The following HECW1 variants were observed in gnomAD, a reference collection of about 807,000 sequenced individuals.
The protein encoded by HECW1 is E3 ubiquitin-protein ligase HECW1.
A neutral mutation model predicts 182.3 loss-of-function variants in HECW1; 61 were observed. The ratio of observed to expected loss-of-function variants is 0.33; its 90% CI spans 0.27 to 0.41. The LOEUF is 0.41. Ranked by LOEUF, HECW1 falls within the 10% of genes least tolerant of loss-of-function variation. The pLI is 1.00. For missense variants in HECW1, 1,739 were observed against 2,108.9 expected, an observed-to-expected ratio of 0.82 and a Z score of 3.44; for synonymous variants, 859 against 832.6, an observed-to-expected ratio of 1.03 and a Z score of -0.55.
Position 43,445,376 on chromosome 7 carries a change from C to G in HECW1, c.2204C>G (p.Ser735Trp), listed in dbSNP as rs756356851. The G allele has an allele frequency of 3.7e-6, 6 of 1,613,714 alleles. No individual in the cohort carries two copies. Among genetic ancestry groups the G allele is most frequent in the Non-Finnish European group, 5.1e-6 (6 of 1,180,018 alleles). Residue 735 changes from serine to tryptophan, a missense_variant, in exon 11 of 30, where the codon TCG becomes TGG. Transcript: ENST00000395891. ...AKISESTVFS[S>W]QDDEEEENSA... The stretch of plus-strand genomic sequence containing the variant: ...ATCTCCGAGAGCACGGTCTTCTCCT[C>G]GCAAGACGACGAGGAGGAGGAGAAC...
At chr7:43,556,122 G>C (rs920550248) in intron 29 of HECW1, among the ~76,000 whole-genome samples, 17 of 152,176 alleles carry the variant, frequency 1.1e-4, no homozygotes, top group Admixed American at 5.9e-4. Flanking sequence ...CAGGGGGTAA[G>C]AGCAGCGTGC....
chr7:43,538,520 A>T (rs1306183383), intron 24 of HECW1, among the ~76,000 whole-genome samples: 1 of 152,196 alleles, frequency 6.6e-6, no homozygotes, highest in Non-Finnish European at 1.5e-5. Flanking sequence ...CTTGCACAAG[A>T]TCACACACCA....
intron 6 of HECW1, among the ~76,000 whole-genome samples, chr7:43,372,009 A>G (rs2074127302): frequency 6.6e-6 from 1 of 151,984 alleles, no homozygotes; most frequent in African/African-American, 2.4e-5. Context: ...TTTAGTAGAG[A>G]TGGGATTTCA....
At chr7:43,175,741 G>A (rs1019447451) in intron 2 of HECW1, among the ~76,000 whole-genome samples, 3 of 152,192 alleles carry the variant, frequency 2.0e-5, no homozygotes, top group Non-Finnish European at 4.4e-5. Flanking sequence ...AGTCATGAAC[G>A]CACGGAGCTA....
intron 2 of HECW1, among the ~76,000 whole-genome samples, chr7:43,216,479 G>A (rs1796451237): frequency 6.6e-6 from 1 of 152,072 alleles, no homozygotes; most frequent in South Asian, 2.1e-4. Flanking sequence ...GGTTTCTGCT[G>A]TGGCAGAAGG....
chr7:43,253,641 A>G (rs531520925), intron 3 of HECW1, among the ~76,000 whole-genome samples: 2 of 152,298 alleles, frequency 1.3e-5, no homozygotes, highest in African/African-American at 2.4e-5. Context: ...CATTCCCTCC[A>G]ATGTTAAGAG....
chr7:43,149,842 AATG>A (rs1214068177), intron 2 of HECW1, among the ~76,000 whole-genome samples: 15 of 152,286 alleles, frequency 9.8e-5, no homozygotes, highest in African/African-American at 2.9e-4. Context: ...ATTTGCAAAT[AATG>A]ATGATTTTAC....
Position 43,243,218 on chromosome 7 carries a change from G to A in HECW1, c.-31-657G>A, listed in dbSNP as rs186093262. On this transcript the variant is annotated intron_variant, in intron 2 of 29. Transcript: ENST00000395891. This position sits in a 1 kb window ranked among gnomAD's most constrained non-coding sequence, Gnocchi z 4.0. Reference sequence around the variant, plus strand: ...TAAGAGGGCCCTGACAGATGATGCCGTCAGCAACTGTCCCATGCCTGGCAT... The same window carrying A: ...TAAGAGGGCCCTGACAGATGATGCCATCAGCAACTGTCCCATGCCTGGCAT... Among the ~76,000 whole-genome samples the A allele has an allele frequency of 1.4e-4, 21 of 152,296 alleles. No individual in the cohort carries two copies. Among genetic ancestry groups the A allele is most frequent in the Admixed American group, 9.2e-4 (14 of 15,298 alleles).
chr7:43,277,934 G>A (rs1023412184), intron 3 of HECW1, among the ~76,000 whole-genome samples: 10 of 151,830 alleles, frequency 6.6e-5, no homozygotes, highest in South Asian at 2.1e-4. Flanking sequence ...TTCCAAATTC[G>A]TGCTCCTTCT....
At chr7:43,430,801 A>ATTATTATTATTATTATTATTATTATTAT (rs2152865294) in intron 8 of HECW1, among the ~76,000 whole-genome samples, 1 of 27,176 alleles carries the variant, frequency 3.7e-5, no homozygotes, top group South Asian at 9.7e-4. Context: ...ATTATTATTG[A>ATTATTATTATTATTATTATTATTATTAT]GATGGAGTCT....
At chr7:43,151,959 A>G (rs1234165451) in intron 2 of HECW1, among the ~76,000 whole-genome samples, 1 of 152,218 alleles carries the variant, frequency 6.6e-6, no homozygotes, top group Non-Finnish European at 1.5e-5. Flanking sequence ...TTCTAATTTC[A>G]TGAGTAAAGA....
At chr7:43,385,208 C>T (rs1310982168) in intron 6 of HECW1, among the ~76,000 whole-genome samples, 2 of 27,116 alleles carry the variant, frequency 7.4e-5, no homozygotes, top group African/African-American at 1.7e-4. Context: ...CCCCTCCCCT[C>T]CCCTCTCCCC....
intron 6 of HECW1, among the ~76,000 whole-genome samples, chr7:43,378,837 A>G (rs35040691): frequency 0.59 from 89,850 of 151,264 alleles, 27,006 homozygotes; most frequent in African/African-American, 0.68. Flanking sequence ...GAAGGAGGCA[A>G]TGTCAGGCAA....
chr7:43,133,055 C>T (rs1787132781), intron 2 of HECW1, among the ~76,000 whole-genome samples: 1 of 151,996 alleles, frequency 6.6e-6, no homozygotes, highest in African/African-American at 2.4e-5. Flanking sequence ...GGGGAATTTA[C>T]TGAAGTTAAC....
chr7:43,159,672 T>C (rs959720292), intron 2 of HECW1, among the ~76,000 whole-genome samples: 2 of 147,674 alleles, frequency 1.4e-5, no homozygotes, highest in African/African-American at 2.6e-5. Flanking sequence ...TCCTATTTCC[T>C]TGTATCTTTT....
rs567367189 is a variant in HECW1, at chr7:43,501,183, C to CTT, written c.3522-11_3522-10dup. The CTT allele has an allele frequency of 4.4e-3, 3,257 of 743,412 alleles. 4 individuals are homozygous for CTT. The highest frequency in any genetic ancestry group is 0.012 in the South Asian group (674 of 56,570). The allele number at this position is 743,412 out of a possible 1,614,324, so 46.1% of individuals were successfully genotyped here. On this transcript the variant is annotated intron_variant, in intron 20 of 29. Transcript: ENST00000395891. ...ATGTAAAACTGACTTTCTTTTCTTT[C>CTT]TTTTTTTTTTTTTTTTTTTTCATAT...
rs66910107 is a variant in HECW1 at position 43,374,773 on chromosome 7, CAAAA to C, written c.555+13817_555+13820del. Among the ~76,000 whole-genome samples the C allele has an allele frequency of 1.0e-3, 15 of 14,500 alleles. 2 individuals carry two copies. The highest frequency in any genetic ancestry group is 1.3e-3 in the Non-Finnish European group (14 of 10,990). The allele number at this position is 14,500 out of a possible 152,430, so 9.5% of individuals were successfully genotyped here. On this transcript the variant is annotated intron_variant, in intron 6 of 29. Coordinates refer to ENST00000395891, the MANE Select transcript of HECW1 (RefSeq NM_015052.5). Reference sequence around the variant, plus strand: ...TGGGCGACAGAGCTAGACTCCGTCTCAAAAAAAAAAAAAAAAAAAAAAAAAAATA... The same window carrying C: ...TGGGCGACAGAGCTAGACTCCGTCTCAAAAAAAAAAAAAAAAAAAAAAATA...
chr7:43,395,412 A>C (rs2075194250), intron 6 of HECW1, among the ~76,000 whole-genome samples: 1 of 152,210 alleles, frequency 6.6e-6, no homozygotes, highest in South Asian at 2.1e-4. Flanking sequence ...TAATTTTGCA[A>C]AGGCAGCTTT....
At chr7:43,373,025 TG>T (rs947602936) in intron 6 of HECW1, among the ~76,000 whole-genome samples, 7 of 152,178 alleles carry the variant, frequency 4.6e-5, no homozygotes, top group Middle Eastern at 3.4e-3. Flanking sequence ...ATGAAGAAAG[TG>T]CTTAGGCCAG....
Sources: allele counts gnomAD v4.1 joint callset (sites outside exome capture counted in the v4.1 genomes callset), GRCh38; gene constraint gnomAD v4.1.1; non-coding constraint Gnocchi (gnomAD v3.1); transcripts MANE v1.5; gene names NCBI Gene and HGNC (gene_info 2026-07-23, HGNC 2026-07-21).